NALF1: variants seen among roughly 807,000 people sequenced by gnomAD.
The protein encoded by NALF1 is NALCN channel auxiliary factor 1.
Under a neutral mutation model 48.4 loss-of-function variants are expected in NALF1, and 3 were observed. The ratio of observed to expected loss-of-function variants is 0.06; its 90% confidence interval spans 0.03 to 0.16. NALF1 has a LOEUF of 0.16. NALF1 is among the 10% of genes least tolerant of loss of function. The pLI is 1.00. For missense variants in NALF1, 526 were observed against 571.5 expected (o/e 0.92, Z 0.81); for synonymous variants, 262 against 245.7 (o/e 1.07, Z -0.62).
intron 1 of NALF1, among the ~76,000 whole-genome samples, chr13:107,620,509 TG>T (rs1234376919): frequency 6.6e-6 from 1 of 152,194 alleles, no homozygotes; most frequent in African/African-American, 2.4e-5. Flanking sequence ...TTATCCACCA[TG>T]GGATGTGTTC....
intron 1 of NALF1, among the ~76,000 whole-genome samples, chr13:107,319,629 G>A (rs1253346052): frequency 6.6e-6 from 1 of 152,108 alleles, no homozygotes; most frequent in Non-Finnish European, 1.5e-5. Flanking sequence ...TTCATTAAAT[G>A]TGCATAACAA....
At chr13:107,719,111 C>A (rs1332978753) in intron 1 of NALF1, among the ~76,000 whole-genome samples, 1 of 152,178 alleles carries the variant, frequency 6.6e-6, no homozygotes, top group Non-Finnish European at 1.5e-5. Context: ...TGATCATTAT[C>A]ATAATTACTT....
intron 1 of NALF1, among the ~76,000 whole-genome samples, chr13:107,272,842 T>A (rs1342928592): frequency 6.6e-6 from 1 of 152,228 alleles, no homozygotes; most frequent in Non-Finnish European, 1.5e-5. Context: ...TCAACACATT[T>A]GTTAAAACTA....
intron 1 of NALF1, among the ~76,000 whole-genome samples, chr13:107,534,371 G>A (rs969569220): frequency 3.3e-5 from 5 of 152,008 alleles, no homozygotes; most frequent in African/African-American, 1.2e-4. Flanking sequence ...AAAACTATTT[G>A]TAATTCAGTT....
At chr13:107,269,616 CT>C (rs1370336400) in intron 1 of NALF1, among the ~76,000 whole-genome samples, 6 of 151,940 alleles carry the variant, frequency 3.9e-5, no homozygotes, top group African/African-American at 7.3e-5. Context: ...TAAGAGTGTC[CT>C]TTTTTCCCCA....
intron 1 of NALF1, among the ~76,000 whole-genome samples, chr13:107,304,401 C>T (rs2138896278): frequency 6.6e-6 from 1 of 152,286 alleles, no homozygotes; most frequent in Admixed American, 6.5e-5. Flanking sequence ...ATACAGACAG[C>T]ATAGTAAGTG....
intron 2 of NALF1, among the ~76,000 whole-genome samples, chr13:107,203,612 G>T (rs559922571): frequency 6.8e-6 from 1 of 148,128 alleles, no homozygotes; most frequent in African/African-American, 2.5e-5. Flanking sequence ...CTCCATCCCC[G>T]TGGTGCCCCC....
chr13:107,547,950 A>T (rs1475466218), intron 1 of NALF1, among the ~76,000 whole-genome samples: 3 of 152,128 alleles, frequency 2.0e-5, no homozygotes. Flanking sequence ...GAGATGGCCC[A>T]TGCTTGTCTA....
At chr13:107,459,739 T>A (rs1205895533) in intron 1 of NALF1, among the ~76,000 whole-genome samples, 1 of 152,060 alleles carries the variant, frequency 6.6e-6, no homozygotes, top group Non-Finnish European at 1.5e-5. Flanking sequence ...TGCTTCTTAT[T>A]TTTTATTTTT....
intron 1 of NALF1, among the ~76,000 whole-genome samples, chr13:107,448,444 G>A (rs745724822): frequency 3.9e-5 from 6 of 152,136 alleles, no homozygotes; most frequent in South Asian, 4.1e-4. Context: ...CTTGGACCAC[G>A]TCATTCTATT....
At chr13:107,766,586 T>C (rs1331073464) in intron 1 of NALF1, among the ~76,000 whole-genome samples, 3 of 152,188 alleles carry the variant, frequency 2.0e-5, no homozygotes, top group Admixed American at 6.6e-5. Context: ...TTTAAGCAGA[T>C]GGGCTAAGTG....
chr13:107,702,683 T>G (rs1157294792), intron 1 of NALF1, among the ~76,000 whole-genome samples: 3 of 152,138 alleles, frequency 2.0e-5, no homozygotes, highest in African/African-American at 7.2e-5. Flanking sequence ...TTCTTCCTGA[T>G]GCTCTCCCTC....
At chr13:107,223,027 T>C (rs1346113912) in intron 1 of NALF1, among the ~76,000 whole-genome samples, 2 of 152,058 alleles carry the variant, frequency 1.3e-5, no homozygotes, top group African/African-American at 4.8e-5. Flanking sequence ...CTCCGATACA[T>C]TTTTTTAAGG....
At chr13:107,361,225 G>T (rs1883055162) in intron 1 of NALF1, among the ~76,000 whole-genome samples, 1 of 152,156 alleles carries the variant, frequency 6.6e-6, no homozygotes, top group South Asian at 2.1e-4. Flanking sequence ...ATACAAATGA[G>T]CTGGAGGAAC....
intron 1 of NALF1, among the ~76,000 whole-genome samples, chr13:107,735,669 C>A (rs748146774): frequency 1.3e-5 from 2 of 152,178 alleles, no homozygotes; most frequent in East Asian, 3.9e-4. Flanking sequence ...GACTGAAATA[C>A]CCAATCGCTT....
chr13:107,823,648 CA>C, intron 1 of NALF1, among the ~76,000 whole-genome samples: 1 of 152,146 alleles, frequency 6.6e-6, no homozygotes. Context: ...ACAAATCTTT[CA>C]AAGGTTAATT....
chr13:107,329,484 ACT>A (rs1882426843), intron 1 of NALF1, among the ~76,000 whole-genome samples: 1 of 147,614 alleles, frequency 6.8e-6, no homozygotes, highest in African/African-American at 2.5e-5. Flanking sequence ...ACCTGGCTTC[ACT>A]CTCTTTTTTT....
chr13:107,232,470 C>T (rs1020226187), intron 1 of NALF1, among the ~76,000 whole-genome samples: 1 of 152,142 alleles, frequency 6.6e-6, no homozygotes, highest in African/African-American at 2.4e-5. Context: ...TGTTGATTCT[C>T]CTTAACCAAC....
chr13:107,660,189 C>T (rs1194043548), intron 1 of NALF1, among the ~76,000 whole-genome samples: 1 of 151,760 alleles, frequency 6.6e-6, no homozygotes, highest in East Asian at 1.9e-4. Context: ...CTTATAATCC[C>T]AGCACTTTGG....
Sources: allele counts gnomAD v4.1 joint callset (sites outside exome capture counted in the v4.1 genomes callset), GRCh38; gene constraint gnomAD v4.1.1; transcripts MANE v1.5; gene names NCBI Gene and HGNC (gene_info 2026-07-23, HGNC 2026-07-21).